The following FBXL4 variants were observed in gnomAD, a reference collection of about 807,000 sequenced individuals.
FBXL4 encodes the protein F-box/LRR-repeat protein 4.
A neutral mutation model predicts 58.9 loss-of-function variants in FBXL4; 40 were observed. The observed-to-expected ratio is 0.68, with a 90% CI of 0.53 to 0.88. The LOEUF (loss-of-function observed/expected upper bound fraction) is 0.88, where lower values mean the gene tolerates loss of function less well. Among genes scored for constraint, FBXL4 ranks in the 40% least tolerant of loss-of-function variants. The pLI, the probability that FBXL4 is intolerant of heterozygous loss-of-function variation, is 0.00. For missense variants in FBXL4, 676 were observed against 734.4 expected (o/e 0.92, Z 0.92); for synonymous variants, 263 against 265.5 (o/e 0.99, Z 0.09).
At chr6:98,947,404 G>A (rs1479278242) in intron 1 of FBXL4, among the ~76,000 whole-genome samples, 2 of 152,258 alleles carry the variant, frequency 1.3e-5, no homozygotes, top group Non-Finnish European at 2.9e-5. Flanking sequence ...CAAGGCAGCA[G>A]GCACAGGAAT....
intron 7 of FBXL4, among the ~76,000 whole-genome samples, chr6:98,895,673 T>G (rs749564743): frequency 6.6e-6 from 1 of 152,170 alleles, no homozygotes; most frequent in Non-Finnish European, 1.5e-5. Flanking sequence ...CTATTCAGAC[T>G]GGTGTAAAGA....
At chr6:98,907,543 G>T (rs1054321239) in intron 5 of FBXL4, among the ~76,000 whole-genome samples, 1 of 152,094 alleles carries the variant, frequency 6.6e-6, no homozygotes, top group Non-Finnish European at 1.5e-5. Context: ...CTAGTCCAAG[G>T]TTTATTTTTT....
At chr6:98,891,924 G>T (rs1267831185) in intron 7 of FBXL4, among the ~76,000 whole-genome samples, 4 of 151,948 alleles carry the variant, frequency 2.6e-5, no homozygotes, top group Non-Finnish European at 5.9e-5. Flanking sequence ...TAAGGAGTCT[G>T]CCCCCATTAA....
In FBXL4 at chr6:98,875,718, A is replaced by T. The variant is rs764944877; in HGVS notation, c.1399T>A (p.Tyr467Asn). ...SLGSCVMIED[Y>N]DVIASMIGAK... ...CCTATCATGCTAGCTATCACATCATAGTCTTCAATCTGGAAATCAAATAAT... is the reference window on the plus strand; with the variant it reads ...CCTATCATGCTAGCTATCACATCATTGTCTTCAATCTGGAAATCAAATAAT... Residue 467 changes from tyrosine to asparagine, a missense_variant, in exon 9 of 10, where the codon TAT becomes AAT. Coordinates refer to ENST00000369244, the MANE Select transcript of FBXL4 (RefSeq NM_001278716.2). 1 of 1,613,400 alleles carries T rather than the reference A, an allele frequency of 6.2e-7. No homozygotes were observed.
intron 6 of FBXL4, among the ~76,000 whole-genome samples, 184 bp downstream of exon 6, chr6:98,905,242 G>T (rs1305118896): frequency 6.6e-6 from 1 of 152,090 alleles, no homozygotes; most frequent in Admixed American, 6.6e-5. Flanking sequence ...AGCTGAAGAG[G>T]ATAGTAAAAC....
intron 7 of FBXL4, among the ~76,000 whole-genome samples, chr6:98,886,447 T>C (rs1457509146): frequency 6.6e-6 from 1 of 152,228 alleles, no homozygotes; most frequent in Non-Finnish European, 1.5e-5. Flanking sequence ...CATCTATTCA[T>C]TATTTCCTAA....
At chr6:98,924,129 CT>C (rs1343919832) in intron 4 of FBXL4, among the ~76,000 whole-genome samples, 5 of 152,270 alleles carry the variant, frequency 3.3e-5, no homozygotes, top group South Asian at 2.1e-4. Flanking sequence ...AGTTATGCAG[CT>C]GTTAAGTTTT....
chr6:98,878,746 T>C (rs1485047740), intron 8 of FBXL4, among the ~76,000 whole-genome samples: 1 of 151,994 alleles, frequency 6.6e-6, no homozygotes, highest in African/African-American at 2.4e-5. Context: ...ATAAGGTACA[T>C]CTAAGCAAAG....
intron 5 of FBXL4, among the ~76,000 whole-genome samples, chr6:98,910,219 G>A (rs773938020): frequency 6.6e-6 from 1 of 152,182 alleles, no homozygotes; most frequent in African/African-American, 2.4e-5. Flanking sequence ...CGAAACTGGT[G>A]GGGAGAGGTT....
chr6:98,922,703 C>CA, intron 4 of FBXL4, among the ~76,000 whole-genome samples: 1 of 152,140 alleles, frequency 6.6e-6, no homozygotes, highest in Non-Finnish European at 1.5e-5. Flanking sequence ...CTTTGTGGGC[C>CA]AAAAAACATG....
At chr6:98,919,819 A>G (rs1772510080) in intron 4 of FBXL4, among the ~76,000 whole-genome samples, 1 of 152,234 alleles carries the variant, frequency 6.6e-6, no homozygotes, top group African/African-American at 2.4e-5. Context: ...TATAGAATAC[A>G]TGAAGAAATT....
At chr6:98,944,856 T>C (rs765834598) in intron 1 of FBXL4, among the ~76,000 whole-genome samples, 1 of 152,188 alleles carries the variant, frequency 6.6e-6, no homozygotes, top group Non-Finnish European at 1.5e-5. Context: ...TCTTATCACA[T>C]CACCCTGTGG....
At position 98,870,304 on chromosome 6, in the gene FBXL4, T is replaced by C. The variant is rs1770458092; in HGVS notation, c.*3974A>G. The C allele has an allele frequency of 6.6e-6, 1 of 152,230 alleles. No homozygotes were observed. The highest frequency in any genetic ancestry group is 1.5e-5 in the Non-Finnish European group (1 of 68,048). The allele number at this position is 152,230 out of a possible 1,614,324, so 9.4% of individuals were successfully genotyped here. The stretch of plus-strand genomic sequence containing the variant: ...GGTCCACAAGCCAAATCCAGCCAGC[T>C]CATAAGAACAGTTTCACATTTTCTA... On this transcript the variant is annotated 3_prime_UTR_variant, in exon 10 of 10. Transcript: ENST00000369244.
chr6:98,889,562 T>G (rs1399021289), intron 7 of FBXL4, among the ~76,000 whole-genome samples: 4 of 151,530 alleles, frequency 2.6e-5, no homozygotes, highest in Non-Finnish European at 5.9e-5. Context: ...ATGCCTATAG[T>G]CCCAGATACT....
chr6:98,872,960 C>T lies in FBXL4; in HGVS notation c.*1318G>A, dbSNP rs565519034. 3.3e-5 allele frequency: 5 copies of T among 152,232 alleles called. No homozygotes were observed. In the South Asian group the frequency reaches 6.2e-4, roughly 19 times the overall value. 9.4% of individuals were successfully genotyped at this position (152,232 alleles called of 1,614,324 possible). A position where few individuals can be genotyped will look rare whatever the true frequency, so the allele number is the denominator to read the frequency against. On this transcript the variant is annotated 3_prime_UTR_variant, in exon 10 of 10. Coordinates refer to ENST00000369244, the MANE Select transcript of FBXL4 (RefSeq NM_001278716.2). ...GCAAAGCACAAGAAACAGTGCCAGG[C>T]ACAAAGGAAGCATTCTCCTCATGTG...
At chr6:98,879,476 T>C (rs1770768705) in intron 8 of FBXL4, among the ~76,000 whole-genome samples, 1 of 152,230 alleles carries the variant, frequency 6.6e-6, no homozygotes. Flanking sequence ...AAGATTTCTA[T>C]TGTCCTTTAT....
chr6:98,933,111 G>A (rs1773074973), intron 2 of FBXL4, among the ~76,000 whole-genome samples: 1 of 152,146 alleles, frequency 6.6e-6, no homozygotes, highest in Non-Finnish European at 1.5e-5. Context: ...ACAGGGGAAT[G>A]AAAGAAAGCA....
intron 4 of FBXL4, among the ~76,000 whole-genome samples, chr6:98,920,683 A>G (rs978947739): frequency 6.6e-6 from 1 of 152,212 alleles, no homozygotes; most frequent in Non-Finnish European, 1.5e-5. Flanking sequence ...TGAGAAAGGT[A>G]TCTATCTTAC....
intron 5 of FBXL4, among the ~76,000 whole-genome samples, chr6:98,912,685 A>G (rs1481685348): frequency 3.9e-5 from 6 of 152,190 alleles, no homozygotes; most frequent in Admixed American, 3.9e-4. Context: ...AGCACTAAAC[A>G]TGGAAAGGCA....
Sources: gnomAD v4.1 joint callset for allele counts (sites outside exome capture counted in the v4.1 genomes callset) on GRCh38, gnomAD v4.1.1 for gene constraint, MANE v1.5 for transcripts, NCBI Gene and HGNC (gene_info 2026-07-23, HGNC 2026-07-21) for gene names.